SNX24: variants seen among roughly 807,000 people sequenced by gnomAD.
SNX24 encodes the protein sorting nexin 24.
SNX24 carries 22 observed loss-of-function variants against 28.7 expected under a neutral mutation model. The ratio of observed to expected loss-of-function variants is 0.77; its 90% CI spans 0.55 to 1.10. SNX24 has a LOEUF of 1.10. Ranked by LOEUF, SNX24 falls within the 50% of genes least tolerant of loss-of-function variation. The pLI, the probability that SNX24 is intolerant of heterozygous loss-of-function variation, is 0.00. For missense variants in SNX24, 221 were observed against 201.1 expected (o/e 1.10, Z -0.60); for synonymous variants, 69 against 71.5 (o/e 0.96, Z 0.18).
downstream of SNX24, among the ~76,000 whole-genome samples, chr5:123,010,292 C>CTT (rs111250838): frequency 3.4e-5 from 5 of 146,294 alleles, no homozygotes; most frequent in Admixed American, 6.8e-5. Flanking sequence ...GATGATGGAA[C>CTT]TTTTTTTTTT....
intron 3 of SNX24, among the ~76,000 whole-genome samples, chr5:122,951,285 AAAAG>A (rs1265220640): frequency 1.1e-4 from 16 of 150,128 alleles, no homozygotes; most frequent in Non-Finnish European, 2.4e-4. Context: ...AAAAAAAAGA[AAAAG>A]AAAAGAAAAT....
intron 1 of SNX24, among the ~76,000 whole-genome samples, chr5:122,916,281 G>A (rs1185075700): frequency 6.6e-6 from 1 of 152,156 alleles, no homozygotes; most frequent in African/African-American, 2.4e-5. Flanking sequence ...AGGAAAATGT[G>A]CTTTTGACTC....
At chr5:122,895,075 TGTTA>T (rs2150074113) in intron 1 of SNX24, among the ~76,000 whole-genome samples, 1 of 151,946 alleles carries the variant, frequency 6.6e-6, no homozygotes, top group Admixed American at 6.6e-5. Flanking sequence ...ATCTTTTTCT[TGTTA>T]GTATTATTCA....
intron 1 of SNX24, among the ~76,000 whole-genome samples, chr5:122,868,260 A>G (rs1030810710): frequency 1.3e-5 from 2 of 151,994 alleles, no homozygotes; most frequent in Non-Finnish European, 2.9e-5. Flanking sequence ...CATATATACT[A>G]TTTCCATTTG....
chr5:122,870,529 T>G (rs974032005), intron 1 of SNX24, among the ~76,000 whole-genome samples: 3 of 152,212 alleles, frequency 2.0e-5, no homozygotes, highest in African/African-American at 7.2e-5. Context: ...AACAGCATAT[T>G]GTCCATGGCT....
intron 1 of SNX24, among the ~76,000 whole-genome samples, chr5:122,852,227 C>T (rs1251728894): frequency 2.0e-5 from 3 of 151,498 alleles, no homozygotes; most frequent in South Asian, 2.1e-4. Flanking sequence ...AGCTTTGTTA[C>T]GTAGGTAAAC....
At chr5:122,908,538 C>T (rs556594442) in intron 1 of SNX24, among the ~76,000 whole-genome samples, 1 of 152,252 alleles carries the variant, frequency 6.6e-6, no homozygotes, top group South Asian at 2.1e-4. Context: ...TAAACTGTAG[C>T]ATAGTGACTA....
At chr5:123,028,937 C>G in intron 5 of SNX24, 2 of 1,307,740 alleles carry the variant, frequency 1.5e-6, no homozygotes, top group Non-Finnish European at 2.2e-6. Flanking sequence ...CAGTGTTGAT[C>G]TAGAAAGGAC....
chr5:122,992,735 A>G (rs1029287657), intron 3 of SNX24, among the ~76,000 whole-genome samples: 3 of 152,188 alleles, frequency 2.0e-5, no homozygotes, highest in Non-Finnish European at 4.4e-5. Context: ...TTCCTACCCA[A>G]TGGTAAACCC....
intron 3 of SNX24, among the ~76,000 whole-genome samples, chr5:122,968,568 A>G (rs1242148801): frequency 6.6e-6 from 1 of 152,180 alleles, no homozygotes; most frequent in Non-Finnish European, 1.5e-5. Context: ...AAGAATAAGT[A>G]TTGTGATTTA....
rs867252178 is a variant in SNX24 at position 123,016,544 on chromosome 5, G to T, written n.384-12694G>T. Among the ~76,000 whole-genome samples the T allele has an allele frequency of 3.9e-5, 6 of 152,294 alleles. No homozygotes were observed. In the South Asian group the frequency reaches 1.2e-3, roughly 32 times the overall value. ...TTATTTTTAAAAGACTACTGCAGTT[G>T]CTTGTGAAGAGTGGACTGGACAGGC... On this transcript the variant is annotated intron_variant and non_coding_transcript_variant, in intron 5 of 5. Transcript: ENST00000502387.
At chr5:122,896,366 T>G (rs1437183560) in intron 1 of SNX24, among the ~76,000 whole-genome samples, 1 of 152,158 alleles carries the variant, frequency 6.6e-6, no homozygotes, top group Non-Finnish European at 1.5e-5. Context: ...ATCCTCTTCT[T>G]AAGGTAATTC....
chr5:122,952,793 A>G (rs991185880), intron 3 of SNX24, among the ~76,000 whole-genome samples: 2 of 152,228 alleles, frequency 1.3e-5, no homozygotes, highest in Non-Finnish European at 2.9e-5. Context: ...CCAAGAACAC[A>G]TGAGAGTTCT....
chr5:122,862,401 G>A (rs1581680123), intron 1 of SNX24, among the ~76,000 whole-genome samples: 1 of 152,012 alleles, frequency 6.6e-6, no homozygotes, highest in Non-Finnish European at 1.5e-5. Context: ...GGATCACGAG[G>A]TCAGGAGATC....
intron 5 of SNX24, among the ~76,000 whole-genome samples, chr5:123,019,319 G>A (rs537712639): frequency 6.6e-6 from 1 of 151,306 alleles, no homozygotes; most frequent in South Asian, 2.1e-4. Flanking sequence ...GCCTTGAGGG[G>A]CTTTGAATTT....
chr5:122,990,550 T>C (rs1428190872), intron 3 of SNX24, among the ~76,000 whole-genome samples: 1 of 152,190 alleles, frequency 6.6e-6, no homozygotes, highest in Non-Finnish European at 1.5e-5. Flanking sequence ...TTAAGGGGCC[T>C]GAGAGAGCAA....
At chr5:122,872,476 C>G (rs1011218606) in intron 1 of SNX24, among the ~76,000 whole-genome samples, 3 of 151,976 alleles carry the variant, frequency 2.0e-5, no homozygotes, top group African/African-American at 7.3e-5. Context: ...TAAGTACGGC[C>G]ATCCCTCAGT....
At chr5:122,914,504 C>T (rs1165693133) in intron 1 of SNX24, among the ~76,000 whole-genome samples, 16 of 150,770 alleles carry the variant, frequency 1.1e-4, no homozygotes, top group African/African-American at 2.0e-4. Context: ...TGGTAGAATT[C>T]GGCTGTGAAT....
At chr5:123,000,765 C>T (rs1762218471) in intron 4 of SNX24, among the ~76,000 whole-genome samples, 2 of 152,200 alleles carry the variant, frequency 1.3e-5, no homozygotes, top group South Asian at 4.1e-4. Context: ...CCATGGCATA[C>T]TGTATCCATT....
Sources: gnomAD v4.1 joint callset for allele counts (sites outside exome capture counted in the v4.1 genomes callset) on GRCh38, gnomAD v4.1.1 for gene constraint, MANE v1.5 for transcripts, NCBI Gene and HGNC (gene_info 2026-07-23, HGNC 2026-07-21) for gene names.